The following NELL1 variants were observed in gnomAD, a reference collection of about 807,000 sequenced individuals.
NELL1 encodes protein kinase C-binding protein NELL1.
A neutral mutation model predicts 107.4 loss-of-function variants in NELL1; 76 were observed. That is an observed-to-expected ratio of 0.71 (90% CI 0.59 to 0.86). NELL1 has a LOEUF of 0.86. NELL1 is among the 40% of genes least tolerant of loss of function. The pLI is 0.00. For synonymous variants in NELL1, 353 were observed against 341.2 expected, an observed-to-expected ratio of 1.03 and a Z score of -0.38; for missense variants, 1,024 against 1,005.5, an observed-to-expected ratio of 1.02 and a Z score of -0.25.
chr11:21,121,212 G>T (rs1167163547), intron 13 of NELL1, among the ~76,000 whole-genome samples: 1 of 152,160 alleles, frequency 6.6e-6, no homozygotes, highest in East Asian at 1.9e-4. Context: ...AGGGAAATGG[G>T]AAGGGATATG....
intron 17 of NELL1, among the ~76,000 whole-genome samples, chr11:21,569,605 G>A (rs1857053062): frequency 6.6e-6 from 1 of 151,848 alleles, no homozygotes; most frequent in African/African-American, 2.4e-5. Flanking sequence ...ACATCTCAGT[G>A]AGTACATAAG....
intron 14 of NELL1, among the ~76,000 whole-genome samples, chr11:21,230,437 T>C (rs546441904): frequency 8.9e-4 from 135 of 152,328 alleles, no homozygotes; most frequent in Middle Eastern, 3.4e-3. Flanking sequence ...CGGTAGGTGC[T>C]TGTTCACTAT....
chr11:20,714,756 T>A (rs1855199811), intron 2 of NELL1, among the ~76,000 whole-genome samples: 2 of 152,068 alleles, frequency 1.3e-5, no homozygotes, highest in Non-Finnish European at 2.9e-5. Context: ...AATATACTTT[T>A]AAAATTAAAT....
chr11:20,881,344 T>C (rs187867626), intron 4 of NELL1, among the ~76,000 whole-genome samples: 1 of 152,314 alleles, frequency 6.6e-6, no homozygotes, highest in East Asian at 1.9e-4. Flanking sequence ...AATAGTAGCT[T>C]GGATGGGGCT....
chr11:21,027,740 G>A (rs566647948), intron 12 of NELL1, among the ~76,000 whole-genome samples: 1 of 152,270 alleles, frequency 6.6e-6, no homozygotes, highest in South Asian at 2.1e-4. Flanking sequence ...TACAGTTCCT[G>A]AAGGACTTTT....
chr11:21,299,656 A>G (rs1849452335), intron 14 of NELL1, among the ~76,000 whole-genome samples: 1 of 151,878 alleles, frequency 6.6e-6, no homozygotes, highest in Non-Finnish European at 1.5e-5. Context: ...GTGCATATGT[A>G]AAGGGTCAGA....
intron 15 of NELL1, among the ~76,000 whole-genome samples, chr11:21,461,040 CA>C (rs1853888778): frequency 6.6e-6 from 1 of 152,006 alleles, no homozygotes; most frequent in South Asian, 2.1e-4. Flanking sequence ...ATAAATTCCC[CA>C]AATTCTTGGA....
rs147764125 is a variant in NELL1, at chr11:20,960,285, C to T, written c.1172-147C>T. 18 of 805,360 alleles carry T rather than the reference C, an allele frequency of 2.2e-5. No individual in the cohort carries two copies. In the East Asian group the frequency reaches 4.3e-4, roughly 19 times the overall value. 49.9% of individuals were successfully genotyped at this position (805,360 alleles called of 1,614,324 possible). On this transcript the variant is annotated intron_variant, in intron 11 of 19. Transcript: ENST00000357134. Reference sequence around the variant, plus strand: ...CCCAAAGTTTCCTATATCTATTCTGCCACTTTCCTATCCAGTTTATCCGTG... The same window carrying T: ...CCCAAAGTTTCCTATATCTATTCTGTCACTTTCCTATCCAGTTTATCCGTG...
chr11:20,711,459 T>C (rs1480271098), intron 2 of NELL1, among the ~76,000 whole-genome samples: 1 of 152,174 alleles, frequency 6.6e-6, no homozygotes, highest in Admixed American at 6.5e-5. Context: ...CTCATTGTGT[T>C]ATTGTTTTAT....
At chr11:20,703,725 G>A (rs60284319) in intron 2 of NELL1, among the ~76,000 whole-genome samples, 2,268 of 152,136 alleles carry the variant, frequency 0.015, 52 homozygotes, top group African/African-American at 0.052. Flanking sequence ...ACTGGTTTCA[G>A]AGAACATCTT....
At chr11:21,518,457 T>C (rs1855630534) in intron 15 of NELL1, among the ~76,000 whole-genome samples, 1 of 152,218 alleles carries the variant, frequency 6.6e-6, no homozygotes. Flanking sequence ...ATGCAGACTA[T>C]TGGAATACTC....
intron 13 of NELL1, among the ~76,000 whole-genome samples, chr11:21,166,878 G>A (rs1284379433): frequency 6.6e-6 from 1 of 151,882 alleles, no homozygotes; most frequent in African/African-American, 2.4e-5. Flanking sequence ...GACATTTAGA[G>A]TAATTCAAAA....
chr11:21,549,020 C>A (rs1467072369), intron 16 of NELL1, among the ~76,000 whole-genome samples: 1 of 151,276 alleles, frequency 6.6e-6, no homozygotes, highest in Admixed American at 6.6e-5. Flanking sequence ...AACTAGAAGA[C>A]AAAAATAATT....
At chr11:21,165,969 A>G (rs1856472684) in intron 13 of NELL1, among the ~76,000 whole-genome samples, 1 of 151,330 alleles carries the variant, frequency 6.6e-6, no homozygotes, top group Admixed American at 6.6e-5. Context: ...TGGTCAGGCT[A>G]GTGTTGAATT....
chr11:21,119,891 A>G (rs902944320), intron 13 of NELL1, among the ~76,000 whole-genome samples: 4 of 152,104 alleles, frequency 2.6e-5, no homozygotes, highest in Non-Finnish European at 5.9e-5. Context: ...CATTATCATT[A>G]GATACGCAGG....
chr11:21,367,266 A>ACACG (rs1565190218), intron 14 of NELL1, among the ~76,000 whole-genome samples: 2 of 5,404 alleles, frequency 3.7e-4, no homozygotes, highest in African/African-American at 1.2e-3. Context: ...CTTACTACAC[A>ACACG]CACACACACA....
intron 14 of NELL1, among the ~76,000 whole-genome samples, chr11:21,238,112 A>T (rs1392791621): frequency 1.3e-5 from 2 of 152,014 alleles, no homozygotes; most frequent in African/African-American, 4.8e-5. Context: ...TCTCATTTCT[A>T]CTTCTTGCCC....
At chr11:21,439,713 T>G (rs1055217307) in intron 15 of NELL1, among the ~76,000 whole-genome samples, 10 of 152,122 alleles carry the variant, frequency 6.6e-5, no homozygotes, top group African/African-American at 1.4e-4. Flanking sequence ...ATGTTTCAAG[T>G]TTAGGGTTTT....
chr11:21,533,382 T>C lies in NELL1; in HGVS notation c.1646-992T>C, dbSNP rs192790013. On this transcript the variant is annotated intron_variant, in intron 15 of 19. Coordinates refer to ENST00000357134, the MANE Select transcript of NELL1 (RefSeq NM_006157.5). ...TTATGGGTTAGATTCCAATGTTAAT[T>C]AAATTTATATTCATATGAGTCCCAT... Among the ~76,000 whole-genome samples, 13 of 152,282 alleles carry C rather than the reference T, an allele frequency of 8.5e-5. No homozygotes were observed. In the East Asian group the frequency reaches 2.5e-3, roughly 29 times the overall value.
Sources: allele counts gnomAD v4.1 joint callset (sites outside exome capture counted in the v4.1 genomes callset), GRCh38; gene constraint gnomAD v4.1.1; transcripts MANE v1.5; gene names NCBI Gene and HGNC (gene_info 2026-07-23, HGNC 2026-07-21).